CCNG2: variants seen among roughly 807,000 people sequenced by gnomAD.
The protein encoded by CCNG2 is cyclin G2, also known as cyclin-G2.
A neutral mutation model predicts 36.5 loss-of-function variants in CCNG2; 20 were observed. The ratio of observed to expected loss-of-function variants is 0.55; its 90% CI spans 0.39 to 0.80. The LOEUF is 0.80. Ranked by LOEUF, CCNG2 falls within the 30% of genes least tolerant of loss-of-function variation. CCNG2 has a pLI of 0.00. For missense variants in CCNG2, 358 were observed against 390.8 expected (o/e 0.92, Z 0.71); for synonymous variants, 155 against 140.1 (o/e 1.11, Z -0.75).
At chr4:77,161,076 C>G in intron 4 of CCNG2, 105 bp downstream of exon 4, 1 of 534,236 alleles carries the variant, frequency 1.9e-6, no homozygotes, top group Non-Finnish European at 3.2e-6. Context: ...TTCAAACTTT[C>G]AACTTTGACT....
Position 77,161,681 on chromosome 4 carries a change from G to C in CCNG2, c.639G>C (p.Leu213Phe). Residue 213 changes from leucine to phenylalanine, a missense_variant, in exon 6 of 8, where the codon TTG becomes TTC. By Grantham distance (22) the Leu-to-Phe change is conservative. Transcript: ENST00000316355. ...PSVLALCLLN[L>F]EVETLKSVEL... Reference sequence around the variant, plus strand: ...TATTAGCCTTGTGCCTTCTCAATTTGGAAGTGGAAACTTTGAAATCTGTTG... The same window carrying C: ...TATTAGCCTTGTGCCTTCTCAATTTCGAAGTGGAAACTTTGAAATCTGTTG... 1 of 1,607,758 alleles carries C rather than the reference G, an allele frequency of 6.2e-7. No individual in the cohort carries two copies.
At chr4:77,158,371 A>AT (rs1254125759) in intron 1 of CCNG2, 162 bp from the exon 2 acceptor site, 3 of 644,468 alleles carry the variant, frequency 4.7e-6, no homozygotes, top group African/African-American at 3.7e-5. Flanking sequence ...CGTGGTGGGG[A>AT]TTGCCCTGGG....
intron 3 of CCNG2, 114 bp from the exon 4 acceptor site, chr4:77,160,605 AAG>A: frequency 9.5e-7 from 1 of 1,055,608 alleles, no homozygotes; most frequent in Non-Finnish European, 1.4e-6. Flanking sequence ...CAGTACATAT[AAG>A]AGAAACAACT....
intron 2 of CCNG2, 73 bp downstream of exon 2, chr4:77,158,743 TGAA>T: frequency 6.5e-7 from 1 of 1,534,596 alleles, no homozygotes. Context: ...CCGCCCCCGT[TGAA>T]TCATGACTAA....
Position 77,165,821 on chromosome 4 carries a change from T to A in CCNG2, c.932T>A (p.Met311Lys), listed in dbSNP as rs201736578. 1.1e-5 allele frequency: 18 copies of A among 1,601,260 alleles called. No individual in the cohort carries two copies. In the South Asian group the frequency reaches 1.6e-4, roughly 14 times the overall value. The change falls in exon 8 of 8, where the codon ATG becomes AAG. Residue 311 changes from methionine to lysine, a missense_variant. By Grantham distance (95) the Met-to-Lys change is moderately conservative. Coordinates refer to ENST00000316355, the MANE Select transcript of CCNG2 (RefSeq NM_004354.3). ...ESESEDSCED[M>K]SCGEESLSSS... ...TTTAGTGAGGACTCTTGTGAAGATATGAGTTGTGGAGAGGAGAGTCTCAGC... is the reference window on the plus strand; with the variant it reads ...TTTAGTGAGGACTCTTGTGAAGATAAGAGTTGTGGAGAGGAGAGTCTCAGC...
chr4:77,160,134 ACT>A (rs1731387041), intron 3 of CCNG2, among the ~76,000 whole-genome samples: 1 of 152,098 alleles, frequency 6.6e-6, no homozygotes, highest in Non-Finnish European at 1.5e-5. Flanking sequence ...ATATGGAATG[ACT>A]CTTAAAGATT....
intron 4 of CCNG2, among the ~76,000 whole-genome samples, 185 bp from the exon 5 acceptor site, chr4:77,161,295 T>A (rs1334303012): frequency 1.3e-5 from 2 of 151,932 alleles, no homozygotes; most frequent in Admixed American, 6.6e-5. Context: ...AGAGACAGGG[T>A]TTTTCCATGT....
chr4:77,165,265 C>G (rs1577908443), intron 7 of CCNG2, among the ~76,000 whole-genome samples: 1 of 152,152 alleles, frequency 6.6e-6, no homozygotes, highest in East Asian at 1.9e-4. Flanking sequence ...CTAAATAGAC[C>G]ATATGCTAGG....
chr4:77,161,755 C>T lies in CCNG2; in HGVS notation c.705+8C>T, dbSNP rs1731444898. ...GTTAAAAAACATTCCAAGGTAATTA[C>T]AGTCATTATTCTTTAAGGCAAATTT... On this transcript the variant is annotated splice_region_variant and intron_variant, in intron 6 of 7. Coordinates refer to ENST00000316355, the MANE Select transcript of CCNG2 (RefSeq NM_004354.3). The T allele has an allele frequency of 1.3e-6, 2 of 1,555,868 alleles. No individual in the cohort carries two copies. The highest frequency in any genetic ancestry group is 1.8e-6 in the Non-Finnish European group (2 of 1,142,850).
chr4:77,168,914 C>CA lies in CCNG2; in HGVS notation c.*2991dup, dbSNP rs1731697292. Reference sequence around the variant, plus strand: ...TGACTTGGCGAGAGATTTGACCTTTCAGGTTTTGATCCTGTCATTTTCTAG... The same window carrying CA: ...TGACTTGGCGAGAGATTTGACCTTTCAAGGTTTTGATCCTGTCATTTTCTAG... On this transcript the variant is annotated 3_prime_UTR_variant, in exon 8 of 8. Transcript: ENST00000316355. The CA allele has an allele frequency of 6.6e-6, 1 of 152,378 alleles. No individual in the cohort carries two copies. Among genetic ancestry groups the CA allele is most frequent in the East Asian group, 1.9e-4 (1 of 5,188 alleles). 9.4% of individuals were successfully genotyped at this position (152,378 alleles called of 1,614,324 possible). A position where few individuals can be genotyped will look rare whatever the true frequency, so the allele number is the denominator to read the frequency against.
At chr4:77,161,041 C>A in intron 4 of CCNG2, 70 bp downstream of exon 4, 5 of 1,109,740 alleles carry the variant, frequency 4.5e-6, no homozygotes, top group Non-Finnish European at 6.2e-6. Context: ...ATTGGAATGG[C>A]AATGAAATTT....
rs4150097 is a variant in CCNG2, at chr4:77,166,495, T to C, written c.*571T>C. On this transcript the variant is annotated 3_prime_UTR_variant, in exon 8 of 8. Coordinates refer to ENST00000316355, the MANE Select transcript of CCNG2 (RefSeq NM_004354.3). ...AAATTTGGGAATTATAATATTGACA[T>C]TTCTGTGATTTTTATATATGTAATG... The C allele has an allele frequency of 2.0e-3, 309 of 152,326 alleles. 2 individuals are homozygous for C. The highest frequency in any genetic ancestry group is 7.3e-3 in the African/African-American group (302 of 41,570). 9.4% of individuals were successfully genotyped at this position (152,326 alleles called of 1,614,324 possible).
rs1731277396 is a variant in CCNG2, at chr4:77,157,230, C to G, written c.-277C>G. ...AAACTCTTAACAAAAACAAGGGGCT[C>G]GGGGAGGTTTCCGCTGAGGCGGCGG... On this transcript the variant is annotated 5_prime_UTR_variant, in exon 1 of 8. Coordinates refer to ENST00000316355, the MANE Select transcript of CCNG2 (RefSeq NM_004354.3). 6.6e-6 allele frequency: 1 copy of G among 151,960 alleles called. No individual in the cohort carries two copies. The highest frequency in any genetic ancestry group is 2.4e-5 in the African/African-American group (1 of 41,344). 9.4% of individuals were successfully genotyped at this position (151,960 alleles called of 1,614,324 possible). A position where few individuals can be genotyped will look rare whatever the true frequency, so the allele number is the denominator to read the frequency against.
rs4150098 is a variant in CCNG2 at position 77,166,691 on chromosome 4, C to G, written c.*767C>G. On this transcript the variant is annotated 3_prime_UTR_variant, in exon 8 of 8. Coordinates refer to ENST00000316355, the MANE Select transcript of CCNG2 (RefSeq NM_004354.3). Reference sequence around the variant, plus strand: ...TGAAAACAGTGCAGTAAGTTGAAAACTCAGTATCTATGGAATTGATAAATG... The same window carrying G: ...TGAAAACAGTGCAGTAAGTTGAAAAGTCAGTATCTATGGAATTGATAAATG... 7.9e-5 allele frequency: 12 copies of G among 152,122 alleles called. No individual in the cohort carries two copies. The highest frequency in any genetic ancestry group is 2.0e-4 in the Admixed American group (3 of 15,274). 9.4% of individuals were successfully genotyped at this position (152,122 alleles called of 1,614,324 possible). A position where few individuals can be genotyped will look rare whatever the true frequency, so the allele number is the denominator to read the frequency against.
In CCNG2 at chr4:77,169,225, T is replaced by C. The variant is rs1014379168; in HGVS notation, c.*3301T>C. ...TTTATTTCAACACTAGGTTTCAATA[T>C]GGTGTTCCTGCTACCTCCCACCTCC... is the stretch of plus-strand genomic sequence containing the variant. On this transcript the variant is annotated 3_prime_UTR_variant, in exon 8 of 8. Coordinates refer to ENST00000316355, the MANE Select transcript of CCNG2 (RefSeq NM_004354.3). 5 of 152,192 alleles carry C rather than the reference T, an allele frequency of 3.3e-5. No homozygotes were observed. Among genetic ancestry groups the C allele is most frequent in the African/African-American group, 1.2e-4 (5 of 41,446 alleles). The allele number at this position is 152,192 out of a possible 1,614,324, so 9.4% of individuals were successfully genotyped here.
chr4:77,157,964 C>T (rs1731311534), intron 1 of CCNG2, among the ~76,000 whole-genome samples: 1 of 152,098 alleles, frequency 6.6e-6, no homozygotes, highest in Non-Finnish European at 1.5e-5. Context: ...GGGTATCCGC[C>T]TCTCGGGTAA....
At position 77,157,380 on chromosome 4, in the gene CCNG2, A is replaced by T. The variant is rs894638474; in HGVS notation, c.-127A>T. On this transcript the variant is annotated 5_prime_UTR_variant, in exon 1 of 8. The change abolishes an upstream ATG in the 5' untranslated region. Coordinates refer to ENST00000316355, the MANE Select transcript of CCNG2 (RefSeq NM_004354.3). ...GGCGGTGCCTGGGAGGAAGGGTCGG[A>T]TGCCGGACCGGGGGCACCGCTGAGG... 1 of 152,382 alleles carries T rather than the reference A, an allele frequency of 6.6e-6. No homozygotes were observed. Among genetic ancestry groups the T allele is most frequent in the African/African-American group, 2.4e-5 (1 of 41,410 alleles). 9.4% of individuals were successfully genotyped at this position (152,382 alleles called of 1,614,324 possible).
At chr4:77,160,577 T>G in intron 3 of CCNG2, 144 bp from the exon 4 acceptor site, 1 of 668,082 alleles carries the variant, frequency 1.5e-6, no homozygotes. Flanking sequence ...AAAATGTGTA[T>G]AATTGTGGGT....
chr4:77,164,697 C>A, intron 7 of CCNG2: 1 of 464,894 alleles, frequency 2.2e-6, no homozygotes, highest in East Asian at 3.5e-5. Context: ...TAGTTTTTTT[C>A]TTTTTTATAT....
Sources: allele counts gnomAD v4.1 joint callset (sites outside exome capture counted in the v4.1 genomes callset), GRCh38; gene constraint gnomAD v4.1.1; transcripts MANE v1.5; gene names NCBI Gene and HGNC (gene_info 2026-07-23, HGNC 2026-07-21).